Variants in HMGN3 observed in about 807,000 individuals in gnomAD.
HMGN3 encodes the protein high mobility group nucleosomal binding domain 3.
A neutral mutation model predicts 18.8 loss-of-function variants in HMGN3; 6 were observed. The ratio of observed to expected loss-of-function variants is 0.32; its 90% CI spans 0.18 to 0.63. HMGN3 has a LOEUF of 0.63. HMGN3 is among the 30% of genes least tolerant of loss of function. The pLI is 0.79. For synonymous variants in HMGN3, 40 were observed against 36.5 expected (o/e 1.10, Z -0.35); for missense variants, 107 against 114.2 (o/e 0.94, Z 0.29).
At chr6:79,226,657 T>A (rs1777581837) in intron 1 of HMGN3, among the ~76,000 whole-genome samples, 1 of 152,228 alleles carries the variant, frequency 6.6e-6, no homozygotes, top group Non-Finnish European at 1.5e-5. Context: ...GATTTTGATA[T>A]TAATTCAATT....
At chr6:79,213,171 T>A (rs1249393727) in intron 2 of HMGN3, among the ~76,000 whole-genome samples, 1 of 151,880 alleles carries the variant, frequency 6.6e-6, no homozygotes, top group Non-Finnish European at 1.5e-5. Flanking sequence ...GCCAGGGAGA[T>A]CGAGACTGCA....
At chr6:79,213,339 T>G (rs1329895503) in intron 2 of HMGN3, among the ~76,000 whole-genome samples, 1 of 152,174 alleles carries the variant, frequency 6.6e-6, no homozygotes, top group East Asian at 1.9e-4. Flanking sequence ...CTCACAAGCT[T>G]GATTTACTTT....
chr6:79,228,729 C>T (rs1777683415), intron 1 of HMGN3, among the ~76,000 whole-genome samples: 1 of 152,030 alleles, frequency 6.6e-6, no homozygotes, highest in Admixed American at 6.6e-5. Context: ...ACCAAGATAG[C>T]GTAGTTTTTA....
intron 1 of HMGN3, among the ~76,000 whole-genome samples, chr6:79,217,158 G>A (rs552728739): frequency 3.9e-5 from 6 of 152,160 alleles, no homozygotes; most frequent in East Asian, 1.9e-4. Flanking sequence ...TCAGACAAAT[G>A]AACATAAGGC....
At chr6:79,223,032 A>G (rs1777380500) in intron 1 of HMGN3, among the ~76,000 whole-genome samples, 1 of 152,204 alleles carries the variant, frequency 6.6e-6, no homozygotes, top group Admixed American at 6.5e-5. Flanking sequence ...GTTCAGTGAA[A>G]CTTTATTAGT....
At chr6:79,232,256 T>C (rs1777879196) in intron 1 of HMGN3, among the ~76,000 whole-genome samples, 1 of 152,202 alleles carries the variant, frequency 6.6e-6, no homozygotes, top group South Asian at 2.1e-4. Flanking sequence ...CTTTACCTAA[T>C]GACAGTGGTT....
At chr6:79,201,624 A>G (rs1401767157) in exon 6 of HMGN3, 12 of 1,136,236 alleles carry the variant, frequency 1.1e-5, no homozygotes, top group Admixed American at 3.9e-5. Context: ...AATACTTGGT[A>G]AAAATAGCTT....
At chr6:79,215,220 T>G (rs928226159) in intron 1 of HMGN3, among the ~76,000 whole-genome samples, 198 bp from the exon 2 acceptor site, 2 of 152,230 alleles carry the variant, frequency 1.3e-5, no homozygotes, top group Non-Finnish European at 2.9e-5. Context: ...GCTGCATAAC[T>G]GCTCGACTTT....
intron 1 of HMGN3, among the ~76,000 whole-genome samples, chr6:79,222,385 T>C (rs1377103637): frequency 1.3e-5 from 2 of 152,158 alleles, no homozygotes; most frequent in Non-Finnish European, 2.9e-5. Context: ...AGGTCTGAAA[T>C]GTGCCTATAC....
chr6:79,229,017 G>A (rs965666846), intron 1 of HMGN3, among the ~76,000 whole-genome samples: 1 of 152,224 alleles, frequency 6.6e-6, no homozygotes, highest in African/African-American at 2.4e-5. Flanking sequence ...AACAAATGGT[G>A]CTGAGGTAAT....
chr6:79,201,754 T>C, intron 5 of HMGN3, 28 bp from the exon 7 acceptor site: 2 of 1,602,986 alleles, frequency 1.2e-6, no homozygotes, highest in Non-Finnish European at 1.7e-6. Context: ...AAAAAAAACA[T>C]ATAGTTACTA....
chr6:79,208,555 A>G, exon 3 of HMGN3: 5 of 1,610,750 alleles, frequency 3.1e-6, no homozygotes, highest in Non-Finnish European at 4.2e-6. Context: ...ACCGCTGACA[A>G]TCTGGCAGAC....
intron 2 of HMGN3, among the ~76,000 whole-genome samples, chr6:79,212,165 C>A (rs1038491100): frequency 6.6e-6 from 1 of 151,800 alleles, no homozygotes; most frequent in African/African-American, 2.4e-5. Context: ...ACTGGATTAC[C>A]AGATTTTTAG....
At chr6:79,202,216 G>C in intron 5 of HMGN3, 60 bp downstream of exon 5, 1 of 1,612,578 alleles carries the variant, frequency 6.2e-7, no homozygotes, top group Non-Finnish European at 8.5e-7. Flanking sequence ...CCGGCTGAAG[G>C]ATTGAGAAAT....
At chr6:79,216,969 T>C (rs1231028246) in intron 1 of HMGN3, among the ~76,000 whole-genome samples, 2 of 152,240 alleles carry the variant, frequency 1.3e-5, no homozygotes, top group Non-Finnish European at 2.9e-5. Context: ...GAAAAACTGA[T>C]GTTAATGACA....
chr6:79,210,017 T>C (rs913184924), intron 2 of HMGN3, among the ~76,000 whole-genome samples: 2 of 152,142 alleles, frequency 1.3e-5, no homozygotes, highest in African/African-American at 4.8e-5. Flanking sequence ...ACTCAGCACA[T>C]AGCCCTGTGA....
At chr6:79,214,932 A>T (rs769873563) in intron 2 of HMGN3, 40 bp downstream of exon 2, 1 of 1,054,990 alleles carries the variant, frequency 9.5e-7, no homozygotes, top group South Asian at 1.4e-5. Flanking sequence ...AAACATTTCA[A>T]TGTAAATAAT....
intron 1 of HMGN3, among the ~76,000 whole-genome samples, chr6:79,224,208 A>G (rs1338573944): frequency 6.6e-6 from 1 of 152,206 alleles, no homozygotes; most frequent in Non-Finnish European, 1.5e-5. Flanking sequence ...TATTAACAGA[A>G]GAGCTGGAAT....
chr6:79,223,355 C>T (rs1777399693), intron 1 of HMGN3, among the ~76,000 whole-genome samples: 1 of 152,108 alleles, frequency 6.6e-6, no homozygotes, highest in Admixed American at 6.5e-5. Context: ...ACTAAATATA[C>T]AAAAAATTAG....
Sources: gnomAD v4.1 joint callset for allele counts (sites outside exome capture counted in the v4.1 genomes callset) on GRCh38, gnomAD v4.1.1 for gene constraint, MANE v1.5 for transcripts, NCBI Gene and HGNC (gene_info 2026-07-23, HGNC 2026-07-21) for gene names.